SHQ1: variants seen among roughly 807,000 people sequenced by gnomAD.
The protein encoded by SHQ1 is protein SHQ1 homolog.
A neutral mutation model predicts 53.8 loss-of-function variants in SHQ1; 49 were observed. That is an observed-to-expected ratio of 0.91 (90% CI 0.72 to 1.16). The LOEUF (loss-of-function observed/expected upper bound fraction) is 1.16. Ranked by LOEUF, SHQ1 falls within the 50% of genes most tolerant of loss-of-function variation. The probability of loss-of-function intolerance (pLI) is 0.00; values close to 1 mark genes in which losing one functional copy is unlikely to be tolerated. For missense variants in SHQ1, 738 were observed against 683.1 expected, an observed-to-expected ratio of 1.08 and a Z score of -0.90; for synonymous variants, 243 against 251.0, an observed-to-expected ratio of 0.97 and a Z score of 0.30.
At chr3:72,793,326 T>A in intron 9 of SHQ1, 1 of 203,206 alleles carries the variant, frequency 4.9e-6, no homozygotes, top group African/African-American at 2.4e-5. Context: ...GCTAACACGG[T>A]GAAACCCTGT....
At chr3:72,810,176 T>A (rs1182768859) in intron 9 of SHQ1, among the ~76,000 whole-genome samples, 1 of 152,110 alleles carries the variant, frequency 6.6e-6, no homozygotes, top group Non-Finnish European at 1.5e-5. Flanking sequence ...AGATGACTGA[T>A]CCAAGGAGAG....
At chr3:72,738,829 C>T in the SHQ1 span, among the ~76,000 whole-genome samples, 2 of 152,228 alleles carry the variant, frequency 1.3e-5, no homozygotes, top group Non-Finnish European at 2.9e-5. Context: ...CTGGGAGACC[C>T]TCCTCCAGGC....
At chr3:72,800,062 G>A (rs1706738490) in intron 9 of SHQ1, among the ~76,000 whole-genome samples, 1 of 152,110 alleles carries the variant, frequency 6.6e-6, no homozygotes, top group Non-Finnish European at 1.5e-5. Flanking sequence ...TTGGAAGATG[G>A]GGCCTAATGA....
At chr3:72,733,561 T>C in the SHQ1 span, among the ~76,000 whole-genome samples, 3 of 151,680 alleles carry the variant, frequency 2.0e-5, no homozygotes, top group African/African-American at 4.9e-5. Context: ...AGCCTAGCAC[T>C]GTGCTGAGAG....
rs139689706 is a variant in SHQ1 at position 72,833,359 on chromosome 3, T to G, written c.487-878A>C. Among the ~76,000 whole-genome samples the G allele has an allele frequency of 3.1e-3, 468 of 152,170 alleles. 5 individuals carry two copies. Among genetic ancestry groups the G allele is most frequent in the African/African-American group, 0.011 (442 of 41,518 alleles). Reference sequence around the variant, plus strand: ...GGGAGGCTGAGGTGGGAGGATGGCTTGAGCCCAGGAGATGGAGGCTGCAGT... The same window carrying G: ...GGGAGGCTGAGGTGGGAGGATGGCTGGAGCCCAGGAGATGGAGGCTGCAGT... On this transcript the variant is annotated intron_variant, in intron 4 of 10. Coordinates refer to ENST00000325599, the MANE Select transcript of SHQ1 (RefSeq NM_018130.3).
chr3:72,782,247 T>G lies in SHQ1; in HGVS notation c.1181+10669A>C, dbSNP rs114951195. On this transcript the variant is annotated intron_variant, in intron 10 of 10. Coordinates refer to ENST00000325599, the MANE Select transcript of SHQ1 (RefSeq NM_018130.3). ...ATCTAAAATTGGATCAGAAATTTGC[T>G]TATATCCAACCATTAAAATAGAATT... 5.1e-3 allele frequency among the ~76,000 whole-genome samples: 778 copies of G among 152,340 alleles called. 10 individuals are homozygous for G. The highest frequency in any genetic ancestry group is 0.018 in the African/African-American group (748 of 41,578).
intron 10 of SHQ1, among the ~76,000 whole-genome samples, chr3:72,781,320 T>C (rs1413122721): frequency 6.6e-6 from 1 of 152,132 alleles, no homozygotes; most frequent in Non-Finnish European, 1.5e-5. Context: ...TCTCCCAAAG[T>C]GCTGGGATTA....
At chr3:72,777,703 T>C (rs2106751038) in intron 10 of SHQ1, among the ~76,000 whole-genome samples, 1 of 152,306 alleles carries the variant, frequency 6.6e-6, no homozygotes, top group Middle Eastern at 3.4e-3. Context: ...CATTCCTAGG[T>C]ATAGGGCTTA....
At chr3:72,794,911 T>G (rs1176756246) in intron 9 of SHQ1, 1 of 152,206 alleles carries the variant, frequency 6.6e-6, no homozygotes, top group East Asian at 1.9e-4. Context: ...TCCTGTTCAA[T>G]TCCCAGAAGG....
the SHQ1 span, among the ~76,000 whole-genome samples, chr3:72,731,823 G>T: frequency 1.3e-5 from 2 of 151,572 alleles, no homozygotes; most frequent in Non-Finnish European, 2.9e-5. Flanking sequence ...AGTGCAAAAA[G>T]CCACAGGGAA....
the SHQ1 span, among the ~76,000 whole-genome samples, chr3:72,726,059 AG>A: frequency 6.6e-6 from 1 of 152,162 alleles, no homozygotes; most frequent in Non-Finnish European, 1.5e-5. Context: ...CTTGAGCCCC[AG>A]AGTTTGAGAC....
chr3:72,731,390 A>T, the SHQ1 span, among the ~76,000 whole-genome samples: 1 of 151,658 alleles, frequency 6.6e-6, no homozygotes, highest in Non-Finnish European at 1.5e-5. Context: ...TTTTTTTAAA[A>T]AATCCTCAGT....
At chr3:72,844,698 T>C (rs1334272782) in intron 1 of SHQ1, among the ~76,000 whole-genome samples, 1 of 152,214 alleles carries the variant, frequency 6.6e-6, no homozygotes, top group East Asian at 1.9e-4. Flanking sequence ...GTTATCACTA[T>C]TGTTATAACA....
chr3:72,750,459 G>A lies in SHQ1; in HGVS notation c.1559C>T (p.Ala520Val). 6.2e-7 allele frequency: 1 copy of A among 1,614,138 alleles called. No individual in the cohort carries two copies. The highest frequency in any genetic ancestry group is 8.5e-7 in the Non-Finnish European group (1 of 1,180,036). ...RRNTAIQESDASQGKPLASSW... is the reference protein window; with the variant it reads ...RRNTAIQESDVSQGKPLASSW... ...AGAGGCAAGTGGCTTTCCCTGACTG[G>A]CATCAGACTCCTGGATGGCTGTGTT... Residue 520 changes from alanine (A) to valine (V), a missense_variant, in exon 11 of 11, where the codon GCC (alanine) becomes GTC (valine). Ala to Val is a moderately conservative substitution (Grantham distance 64). Transcript: ENST00000325599.
At chr3:72,744,210 T>G in the SHQ1 span, among the ~76,000 whole-genome samples, 1 of 152,180 alleles carries the variant, frequency 6.6e-6, no homozygotes, top group Non-Finnish European at 1.5e-5. Context: ...TCTTGCCAAT[T>G]CTTCTCCTGA....
chr3:72,745,570 G>A (rs1167739179), downstream of SHQ1, among the ~76,000 whole-genome samples: 2 of 152,092 alleles, frequency 1.3e-5, no homozygotes, highest in Non-Finnish European at 2.9e-5. Context: ...TTTACCACTA[G>A]CCGGCCTCTG....
At chr3:72,752,271 T>C (rs1322725328) in intron 10 of SHQ1, among the ~76,000 whole-genome samples, 1 of 152,214 alleles carries the variant, frequency 6.6e-6, no homozygotes, top group Non-Finnish European at 1.5e-5. Context: ...AACAGATATT[T>C]CTATTTGCTT....
chr3:72,772,631 A>G, intron 10 of SHQ1: 2 of 705,114 alleles, frequency 2.8e-6, no homozygotes, highest in Non-Finnish European at 5.3e-6. Context: ...ATTATTGTAC[A>G]AAAGGAAACA....
intron 10 of SHQ1, among the ~76,000 whole-genome samples, chr3:72,761,940 A>G (rs1190253427): frequency 1.3e-5 from 2 of 152,204 alleles, no homozygotes; most frequent in African/African-American, 4.8e-5. Context: ...ACATGTTTAA[A>G]AAGTCCTCCA....
Sources: allele counts gnomAD v4.1 joint callset (sites outside exome capture counted in the v4.1 genomes callset), GRCh38; gene constraint gnomAD v4.1.1; transcripts MANE v1.5; gene names NCBI Gene and HGNC (gene_info 2026-07-23, HGNC 2026-07-21).